Variants in CCNJL observed in about 807,000 individuals in gnomAD.
CCNJL encodes cyclin-J-like protein.
CCNJL carries 33 observed loss-of-function variants against 33.4 expected under a neutral mutation model. The observed-to-expected ratio is 0.99, with a 90% CI of 0.75 to 1.32. The LOEUF is 1.32. Ranked by LOEUF, CCNJL falls within the 40% of genes most tolerant of loss-of-function variation. The pLI is 0.00. For missense variants in CCNJL, 512 were observed against 499.7 expected, an observed-to-expected ratio of 1.02 and a Z score of -0.23; for synonymous variants, 227 against 220.9, an observed-to-expected ratio of 1.03 and a Z score of -0.24.
At chr5:160,316,825 T>C (rs1243561701), upstream of CCNJL, among the ~76,000 whole-genome samples, 2 of 152,236 alleles carry the variant, frequency 1.3e-5, no homozygotes, top group African/African-American at 4.8e-5. Context: ...TGTGTGGACA[T>C]TTAGCCTGGG....
chr5:160,308,283 C>T (rs975645731), intron 2 of CCNJL, among the ~76,000 whole-genome samples: 3 of 152,202 alleles, frequency 2.0e-5, no homozygotes, highest in Non-Finnish European at 2.9e-5. Context: ...TGCTGTAAAA[C>T]GTTTCTCCCA....
intron 2 of CCNJL, among the ~76,000 whole-genome samples, chr5:160,289,361 C>T (rs1243018624): frequency 1.3e-5 from 2 of 152,124 alleles, no homozygotes; most frequent in East Asian, 1.9e-4. Flanking sequence ...CGTCTGAATA[C>T]ATGGAGAGTG....
At chr5:160,327,793 A>G (rs561850325) in intron 1 of CCNJL, among the ~76,000 whole-genome samples, 1 of 152,342 alleles carries the variant, frequency 6.6e-6, no homozygotes, top group East Asian at 1.9e-4. Flanking sequence ...TTCTGGCAAC[A>G]TTATCCAAAT....
chr5:160,282,973 A>ATATATATATG (rs1762268334), intron 2 of CCNJL, among the ~76,000 whole-genome samples: 6 of 43,828 alleles, frequency 1.4e-4, no homozygotes, highest in South Asian at 1.9e-3. Context: ...TGGAATATAT[A>ATATATATATG]TATATATATA....
intron 2 of CCNJL, among the ~76,000 whole-genome samples, chr5:160,291,129 G>A (rs951153355): frequency 6.7e-6 from 1 of 150,148 alleles, no homozygotes; most frequent in South Asian, 2.1e-4. Context: ...CCAGCAGAAA[G>A]AGAAAGCTCT....
chr5:160,285,391 C>T (rs1230049228), intron 2 of CCNJL, among the ~76,000 whole-genome samples: 4 of 147,140 alleles, frequency 2.7e-5, no homozygotes, highest in African/African-American at 7.6e-5. Flanking sequence ...GTGAAGAGAA[C>T]AGGGTTAGGT....
rs1554120708 is a variant in CCNJL, at chr5:160,282,966, A to AATATATATATAC, written c.67-2229_67-2228insGTATATATATAT. 2.3e-3 allele frequency among the ~76,000 whole-genome samples: 98 copies of AATATATATATAC among 43,388 alleles called. 2 individuals are homozygous for AATATATATATAC. The highest frequency in any genetic ancestry group is 3.9e-3 in the Non-Finnish European group (83 of 21,144). 28.5% of individuals were successfully genotyped at this position (43,388 alleles called of 152,430 possible). A position where few individuals can be genotyped will look rare whatever the true frequency, so the allele number is the denominator to read the frequency against. On this transcript the variant is annotated intron_variant, in intron 2 of 5. Coordinates refer to ENST00000257536, the MANE Select transcript of CCNJL (RefSeq NM_001308173.3). ...GTGACCCAGCCATTCCAGTCCTTGG[A>AATATATATATAC]ATATATATATATATATATATATATA...
intron 1 of CCNJL, among the ~76,000 whole-genome samples, chr5:160,330,207 C>G (rs1313987869): frequency 6.6e-6 from 1 of 152,204 alleles, no homozygotes; most frequent in African/African-American, 2.4e-5. Flanking sequence ...TCTTCTTACT[C>G]TCATTCCTGG....
At chr5:160,279,551 C>A (rs1334478932) in intron 3 of CCNJL, among the ~76,000 whole-genome samples, 1 of 152,208 alleles carries the variant, frequency 6.6e-6, no homozygotes, top group African/African-American at 2.4e-5. Flanking sequence ...ATTCAAAGCA[C>A]ATGACGCTGA....
intron 2 of CCNJL, among the ~76,000 whole-genome samples, chr5:160,282,479 A>G (rs556102622): frequency 6.6e-6 from 1 of 152,328 alleles, no homozygotes; most frequent in African/African-American, 2.4e-5. Flanking sequence ...AACTTAAAAC[A>G]TTTATGCTTC....
intron 1 of CCNJL, among the ~76,000 whole-genome samples, chr5:160,332,641 A>G (rs1206811701): frequency 1.3e-5 from 2 of 151,896 alleles, no homozygotes; most frequent in East Asian, 3.9e-4. Context: ...GGGCCTCCAC[A>G]CTTGCCGTTC....
chr5:160,316,604 C>G (rs530684488), upstream of CCNJL, among the ~76,000 whole-genome samples: 38 of 152,322 alleles, frequency 2.5e-4, no homozygotes, highest in South Asian at 7.0e-3. Flanking sequence ...TGTTCTCCTC[C>G]TCCCCAATGA....
rs377173221 is a variant in CCNJL at position 160,259,626 on chromosome 5, G to A, written c.426C>T (p.Leu142=). 202 of 1,614,222 alleles carry A rather than the reference G, an allele frequency of 1.3e-4. 1 individual carries two copies. In the African/African-American group the frequency reaches 1.8e-3, roughly 14 times the overall value. Residue 142 remains leucine (L), a synonymous_variant, in exon 4 of 6, where the codon CTC becomes CTT. Coordinates refer to ENST00000257536, the MANE Select transcript of CCNJL (RefSeq NM_001308173.3). The part of the protein sequence containing the change: ...LLLLEAFSWN[L]CLPTPAHFLD... ...GGAAGTGGGCAGGCGTGGGCAGGCAGAGGTTCCAGCTGAAGGCCTCCAGGA... is the reference window on the plus strand; with the variant it reads ...GGAAGTGGGCAGGCGTGGGCAGGCAAAGGTTCCAGCTGAAGGCCTCCAGGA...
At chr5:160,292,589 C>G (rs374119572) in intron 2 of CCNJL, among the ~76,000 whole-genome samples, 47 of 152,208 alleles carry the variant, frequency 3.1e-4, no homozygotes, top group African/African-American at 1.1e-3. Context: ...CCACTGCACT[C>G]TAGCCTGGGT....
rs113277170 is a variant in CCNJL at position 160,283,782 on chromosome 5, C to T, written c.67-3044G>A. Among the ~76,000 whole-genome samples the T allele has an allele frequency of 1.8e-3, 273 of 151,848 alleles. 1 individual carries two copies. Among genetic ancestry groups the T allele is most frequent in the Non-Finnish European group, 3.2e-3 (220 of 67,922 alleles). Reference sequence around the variant, plus strand: ...CTCCCCCACAACCCCCACTACCCTTCCCAGCCTTTGGTAACCATCCTTCTA... The same window carrying T: ...CTCCCCCACAACCCCCACTACCCTTTCCAGCCTTTGGTAACCATCCTTCTA... On this transcript the variant is annotated intron_variant, in intron 2 of 5. Transcript: ENST00000257536.
At chr5:160,264,626 T>C (rs1157152311) in intron 3 of CCNJL, among the ~76,000 whole-genome samples, 2 of 152,098 alleles carry the variant, frequency 1.3e-5, no homozygotes, top group African/African-American at 2.4e-5. Flanking sequence ...AGTGACATTA[T>C]ATGGACACTC....
chr5:160,269,061 G>A (rs186098456), intron 3 of CCNJL, among the ~76,000 whole-genome samples: 1 of 152,240 alleles, frequency 6.6e-6, no homozygotes, highest in Admixed American at 6.5e-5. Flanking sequence ...TTTAAAAAGA[G>A]ACCAGAGGTG....
At chr5:160,256,124 A>G (rs574407830) in intron 4 of CCNJL, among the ~76,000 whole-genome samples, 1 of 152,244 alleles carries the variant, frequency 6.6e-6, no homozygotes, top group Admixed American at 6.5e-5. Context: ...CCTGAGCTCA[A>G]GCAATCCTCC....
rs28575144 is a variant in CCNJL, at chr5:160,296,955, T to C, written c.66+14903A>G. Among the ~76,000 whole-genome samples, 1,107 of 152,294 alleles carry C rather than the reference T, an allele frequency of 7.3e-3. 20 individuals carry two copies. The highest frequency in any genetic ancestry group is 0.026 in the African/African-American group (1,060 of 41,552). ...GCTATGTGGGCTTGGGTAAGGTATGTAACTCTCTAAACTTTGCATGTCCCA... is the reference window on the plus strand; with the variant it reads ...GCTATGTGGGCTTGGGTAAGGTATGCAACTCTCTAAACTTTGCATGTCCCA... On this transcript the variant is annotated intron_variant, in intron 2 of 5. Transcript: ENST00000257536.
Sources: gnomAD v4.1 joint callset for allele counts (sites outside exome capture counted in the v4.1 genomes callset) on GRCh38, gnomAD v4.1.1 for gene constraint, MANE v1.5 for transcripts, NCBI Gene and HGNC (gene_info 2026-07-23, HGNC 2026-07-21) for gene names.